LRRK1: variants seen among roughly 807,000 people sequenced by gnomAD.
The protein encoded by LRRK1 is leucine rich repeat kinase 1.
A neutral mutation model predicts 209.1 loss-of-function variants in LRRK1; 113 were observed. The observed-to-expected ratio is 0.54, with a 90% confidence interval of 0.46 to 0.63. The LOEUF is 0.63. LRRK1 is among the 30% of genes least tolerant of loss of function. The pLI is 0.00. For synonymous variants in LRRK1, 1,144 were observed against 1,099.7 expected, an observed-to-expected ratio of 1.04 and a Z score of -0.80; for missense variants, 2,284 against 2,632.2, an observed-to-expected ratio of 0.87 and a Z score of 2.89.
chr15:100,980,288 TAA>T (rs34271682), intron 3 of LRRK1, among the ~76,000 whole-genome samples: 43 of 146,666 alleles, frequency 2.9e-4, no homozygotes, highest in Admixed American at 8.1e-4. Context: ...TATGCTGATT[TAA>T]AAAAAAAAAA....
chr15:101,061,078 G>A (rs1234325908), intron 29 of LRRK1, 93 bp from the exon 30 acceptor site: 1 of 905,358 alleles, frequency 1.1e-6, no homozygotes, highest in African/African-American at 1.6e-5. Flanking sequence ...AGCAGGGGAG[G>A]TAGACGAGGC....
intron 6 of LRRK1, among the ~76,000 whole-genome samples, chr15:100,996,009 C>T (rs893207669): frequency 6.6e-6 from 1 of 152,264 alleles, no homozygotes; most frequent in African/African-American, 2.4e-5. Flanking sequence ...CCCAGCTGCA[C>T]ATCCTCAGGG....
chr15:100,963,020 G>T (rs1373224586), intron 2 of LRRK1, among the ~76,000 whole-genome samples: 3 of 149,600 alleles, frequency 2.0e-5, no homozygotes, highest in Non-Finnish European at 4.4e-5. Flanking sequence ...ATGGGGTTTC[G>T]CCATGTTAGC....
At chr15:101,020,263 TGTG>T (rs900675561) in intron 12 of LRRK1, among the ~76,000 whole-genome samples, 12 of 151,944 alleles carry the variant, frequency 7.9e-5, no homozygotes, top group African/African-American at 1.7e-4. Context: ...CATGTGCAGG[TGTG>T]GTGTGTGTGC....
intron 1 of LRRK1, among the ~76,000 whole-genome samples, chr15:100,923,229 A>G (rs909797255): frequency 1.3e-5 from 2 of 152,152 alleles, no homozygotes; most frequent in African/African-American, 4.8e-5. Context: ...GCCCGGGCAT[A>G]AGGGTGGATG....
intron 21 of LRRK1, 131 bp from the exon 22 acceptor site, chr15:101,048,363 C>T (rs1048660761): frequency 5.8e-6 from 4 of 695,646 alleles, no homozygotes; most frequent in South Asian, 4.1e-5. Context: ...GGATGAGCAG[C>T]GTGGGAGGAG....
In LRRK1 at chr15:101,062,696, G is replaced by T. The variant is rs748829966; in HGVS notation, c.4914+6G>T. ...CCGTGCCTGTTATTAAAAAGGTGAG[G>T]TCGGGGCAAAGGCAGGTATGCAGGT... On this transcript the variant is annotated splice_donor_region_variant and intron_variant, in intron 31 of 33. Transcript: ENST00000388948. 8.7e-6 allele frequency: 14 copies of T among 1,600,870 alleles called. 1 individual carries two copies. In the South Asian group the frequency reaches 1.4e-4, roughly 16 times the overall value.
chr15:100,988,746 C>T lies in LRRK1; in HGVS notation c.546C>T (p.Ser182=). ...LVLTHGADPE[S]YAVRKNEFPV... is the part of the protein sequence containing the mutation. ...TGACGCACGGGGCTGACCCGGAGAG[C>T]TACGCTGTCAGGAAGAATGAGTTCC... The change falls in exon 5 of 34, where the codon AGC becomes AGT. Residue 182 remains serine, a synonymous_variant. Transcript: ENST00000388948. 2 of 1,613,988 alleles carry T rather than the reference C, an allele frequency of 1.2e-6. No individual in the cohort carries two copies. The highest frequency in any genetic ancestry group is 1.7e-6 in the Non-Finnish European group (2 of 1,179,844).
rs908771205 is a variant in LRRK1, at chr15:101,027,930, C to A, written c.2686+133C>A. On this transcript the variant is annotated intron_variant, in intron 19 of 33. Transcript: ENST00000388948. This position sits in a 1 kb window ranked among gnomAD's most constrained non-coding sequence, Gnocchi z 5.1. ...TGCGTTTCTGCCTTCCATCCCCCTC[C>A]CCTTCCTTCTTCCCTCTCACCCTTC... 3.9e-6 allele frequency: 3 copies of A among 770,348 alleles called. No individual in the cohort carries two copies. Among genetic ancestry groups the A allele is most frequent in the Non-Finnish European group, 6.2e-6 (3 of 486,988 alleles). The allele number at this position is 770,348 out of a possible 1,614,324, so 47.7% of individuals were successfully genotyped here. A position where few individuals can be genotyped will look rare whatever the true frequency, so the allele number is the denominator to read the frequency against.
intron 29 of LRRK1, among the ~76,000 whole-genome samples, chr15:101,059,995 G>C (rs1415404844): frequency 6.6e-6 from 1 of 152,188 alleles, no homozygotes; most frequent in African/African-American, 2.4e-5. Context: ...CACGCGGCAG[G>C]TACCTGAGAC....
intron 20 of LRRK1, among the ~76,000 whole-genome samples, chr15:101,033,929 G>C (rs1256924028): frequency 6.6e-6 from 1 of 152,052 alleles, no homozygotes; most frequent in African/African-American, 2.4e-5. Flanking sequence ...ACCAGCATCT[G>C]TTATTTTTTG....
intron 26 of LRRK1, among the ~76,000 whole-genome samples, chr15:101,053,740 G>A (rs573562594): frequency 3.3e-5 from 5 of 152,314 alleles, no homozygotes; most frequent in East Asian, 3.9e-4. Context: ...CACCGAGCAC[G>A]GGAGCTGCAT....
intron 23 of LRRK1, among the ~76,000 whole-genome samples, chr15:101,050,966 G>A (rs1425679592): frequency 6.6e-6 from 1 of 152,178 alleles, no homozygotes; most frequent in African/African-American, 2.4e-5. Context: ...TTTGACAGGT[G>A]GGTCCCTTAG....
At position 101,061,332 on chromosome 15, in the gene LRRK1, C is replaced by T. The variant is rs201879655; in HGVS notation, c.4797+44C>T. 1,174 of 1,374,790 alleles carry T rather than the reference C, an allele frequency of 8.5e-4. 4 individuals carry two copies. Among genetic ancestry groups the T allele is most frequent in the Non-Finnish European group, 1.2e-3 (1,132 of 965,394 alleles). 85.2% of individuals were successfully genotyped at this position (1,374,790 alleles called of 1,614,324 possible). A position where few individuals can be genotyped will look rare whatever the true frequency, so the allele number is the denominator to read the frequency against. On this transcript the variant is annotated intron_variant, in intron 30 of 33. Transcript: ENST00000388948. Reference sequence around the variant, plus strand: ...CCTGCCCACCGAGGTAAGCACTGCCCACTGGGTGCAGCCCTGGGTGGGGGC... The same window carrying T: ...CCTGCCCACCGAGGTAAGCACTGCCTACTGGGTGCAGCCCTGGGTGGGGGC...
chr15:101,007,040 A>G (rs932697149), intron 6 of LRRK1, among the ~76,000 whole-genome samples: 7 of 152,242 alleles, frequency 4.6e-5, no homozygotes, highest in Middle Eastern at 3.2e-3. Flanking sequence ...AGAGTCCCTC[A>G]TTCCTCTGGT....
At chr15:100,941,377 T>G in intron 2 of LRRK1, among the ~76,000 whole-genome samples, 1 of 151,564 alleles carries the variant, frequency 6.6e-6, no homozygotes, top group African/African-American at 2.4e-5. Context: ...CCTGTATGTG[T>G]GTGTCTGTGT....
intron 12 of LRRK1, among the ~76,000 whole-genome samples, chr15:101,020,033 T>C (rs1478148630): frequency 2.0e-5 from 3 of 152,238 alleles, no homozygotes; most frequent in Non-Finnish European, 4.4e-5. Flanking sequence ...GTAAGAAGCA[T>C]AAAAACAGCC....
chr15:100,956,167 A>G (rs1482224748), intron 2 of LRRK1, among the ~76,000 whole-genome samples: 2 of 151,504 alleles, frequency 1.3e-5, no homozygotes, highest in South Asian at 4.2e-4. Flanking sequence ...CAGTCTCTTT[A>G]CTCATTATTG....
chr15:101,066,005 C>T lies in LRRK1; in HGVS notation c.5568C>T (p.Pro1856=). 1 of 1,614,138 alleles carries T rather than the reference C, an allele frequency of 6.2e-7. No homozygotes were observed. Among genetic ancestry groups the T allele is most frequent in the Non-Finnish European group, 8.5e-7 (1 of 1,180,024 alleles). Residue 1856 remains proline, a synonymous_variant, in exon 32 of 34, where the codon CCC becomes CCT. Coordinates refer to ENST00000388948, the MANE Select transcript of LRRK1 (RefSeq NM_024652.6). ...CACCCCGCCAGGCTGCCAGGTCCCC[C>T]TCAAGCCTCCCCAGCTCCCCAGCAA... ...SSPPRQAARS[P]SSLPSSPASS...
Sources: allele counts gnomAD v4.1 joint callset (sites outside exome capture counted in the v4.1 genomes callset), GRCh38; gene constraint gnomAD v4.1.1; non-coding constraint Gnocchi (gnomAD v3.1); transcripts MANE v1.5; gene names NCBI Gene and HGNC (gene_info 2026-07-23, HGNC 2026-07-21).